The following ITPA variants were observed in gnomAD, a reference collection of about 807,000 sequenced individuals.
The protein encoded by ITPA is inosine triphosphatase.
In ITPA, 29 loss-of-function variants were observed where a neutral mutation model predicts 29.6. The ratio of observed to expected loss-of-function variants is 0.98; its 90% CI spans 0.73 to 1.34. The LOEUF (loss-of-function observed/expected upper bound fraction) is 1.34. Ranked by LOEUF, ITPA falls within the 40% of genes most tolerant of loss-of-function variation. The pLI, the probability that ITPA is intolerant of heterozygous loss-of-function variation, is 0.00. For synonymous variants in ITPA, 103 were observed against 99.3 expected, an observed-to-expected ratio of 1.04 and a Z score of -0.22; for missense variants, 241 against 251.5, an observed-to-expected ratio of 0.96 and a Z score of 0.28.
At chr20:3,211,792 G>A (rs763270143) in intron 1 of ITPA, among the ~76,000 whole-genome samples, 12 of 152,066 alleles carry the variant, frequency 7.9e-5, no homozygotes, top group Non-Finnish European at 1.5e-4. Context: ...GTGCCTGGCC[G>A]AACGGGTAGT....
rs527750672 is a variant in ITPA at position 3,212,928 on chromosome 20, T to C, written c.67-241T>C. Among the ~76,000 whole-genome samples, 12 of 151,908 alleles carry C rather than the reference T, an allele frequency of 7.9e-5. No individual in the cohort carries two copies. In the South Asian group the frequency reaches 2.5e-3, roughly 32 times the overall value. On this transcript the variant is annotated intron_variant, in intron 1 of 7. Transcript: ENST00000380113. ...GAGCATTGAGAAGAGAAGAGTGTGT[T>C]CTGGATGGGGGCTTAGCACAAGCAG...
At chr20:3,219,196 CTTTTTTTTTTTTT>C (rs1190462595) in intron 6 of ITPA, 5 of 66,170 alleles carry the variant, frequency 7.6e-5, no homozygotes, top group African/African-American at 1.7e-4. Context: ...AATCTTAATT[CTTTTTTTTTTTTT>C]TTTTTTTTTT....
upstream of ITPA, chr20:3,209,481 C>A: frequency 7.1e-7 from 1 of 1,413,788 alleles, no homozygotes; most frequent in Non-Finnish European, 1.0e-6. This position sits in a 1 kb window ranked among gnomAD's most constrained non-coding sequence, Gnocchi z 4.6. Flanking sequence ...ACTTCCGCCA[C>A]CAGCCGGAAG....
intron 1 of ITPA, among the ~76,000 whole-genome samples, chr20:3,212,458 C>T (rs1209115442): frequency 6.6e-6 from 1 of 151,978 alleles, no homozygotes; most frequent in Non-Finnish European, 1.5e-5. Flanking sequence ...GTAGCTGGAA[C>T]TTCAGGCACA....
At chr20:3,208,096 T>C (rs1244269808), upstream of ITPA, among the ~76,000 whole-genome samples, 2 of 151,710 alleles carry the variant, frequency 1.3e-5, no homozygotes, top group African/African-American at 2.4e-5. Flanking sequence ...CAAATGAATA[T>C]CTATTTGCAG....
downstream of ITPA, among the ~76,000 whole-genome samples, chr20:3,224,754 AAAG>A (rs1345742388): frequency 1.3e-5 from 2 of 152,224 alleles, no homozygotes; most frequent in Non-Finnish European, 2.9e-5. Context: ...GGGGGACTCC[AAAG>A]AAGAATCACA....
chr20:3,214,567 T>A (rs915662320), intron 4 of ITPA, among the ~76,000 whole-genome samples: 20 of 151,062 alleles, frequency 1.3e-4, no homozygotes, highest in Non-Finnish European at 2.2e-4. Context: ...TTTAATTTTT[T>A]AATTATTTTA....
intron 1 of ITPA, among the ~76,000 whole-genome samples, chr20:3,212,685 T>G (rs1387765387): frequency 1.3e-5 from 2 of 152,214 alleles, no homozygotes; most frequent in Admixed American, 1.3e-4. Context: ...TAATGAGTTA[T>G]AACAACATCT....
intron 5 of ITPA, among the ~76,000 whole-genome samples, chr20:3,216,935 CA>C (rs1202538479): frequency 6.6e-6 from 1 of 151,876 alleles, no homozygotes; most frequent in African/African-American, 2.4e-5. Flanking sequence ...GGCTAGAGTG[CA>C]GTGGTGTGAT....
chr20:3,204,421 C>A (rs2067056379), upstream of ITPA: 2 of 1,052,186 alleles, frequency 1.9e-6, no homozygotes, highest in South Asian at 1.5e-5. Flanking sequence ...CACGGACGCG[C>A]ATGCGTCCCG....
At chr20:3,223,966 C>T (rs571290052), downstream of ITPA, 8 of 179,332 alleles carry the variant, frequency 4.5e-5, no homozygotes, top group East Asian at 1.5e-4. Context: ...GGAAGGCATT[C>T]GGATGCCACT....
chr20:3,224,635 G>A (rs1328157957), downstream of ITPA, among the ~76,000 whole-genome samples: 1 of 152,238 alleles, frequency 6.6e-6, no homozygotes, highest in East Asian at 1.9e-4. Context: ...CCTTGTGGGT[G>A]GGAGATGTCT....
At chr20:3,204,416 A>C (rs2067056323), upstream of ITPA, 2 of 986,980 alleles carry the variant, frequency 2.0e-6, no homozygotes, top group East Asian at 2.6e-5. Flanking sequence ...TAGCGCACGG[A>C]CGCGCATGCG....
chr20:3,220,365 C>T (rs1435800400), intron 6 of ITPA, among the ~76,000 whole-genome samples: 1 of 152,130 alleles, frequency 6.6e-6, no homozygotes, highest in African/African-American at 2.4e-5. Context: ...CCTGCCTCAG[C>T]CTGCCGAGTA....
At chr20:3,220,938 CTCTG>C (rs1041995099) in intron 6 of ITPA, among the ~76,000 whole-genome samples, 1 of 151,960 alleles carries the variant, frequency 6.6e-6, no homozygotes, top group Non-Finnish European at 1.5e-5. Context: ...GAGTGTTTGT[CTCTG>C]TCTGTCGCCC....
At chr20:3,211,851 TTCTC>T (rs1345446316) in intron 1 of ITPA, among the ~76,000 whole-genome samples, 1 of 152,186 alleles carries the variant, frequency 6.6e-6, no homozygotes, top group Non-Finnish European at 1.5e-5. Context: ...TATGGAATCT[TTCTC>T]AGGAAAATAG....
At chr20:3,215,848 G>C (rs2067282433) in intron 5 of ITPA, among the ~76,000 whole-genome samples, 1 of 151,266 alleles carries the variant, frequency 6.6e-6, no homozygotes, top group African/African-American at 2.4e-5. Flanking sequence ...ACCACGCCCT[G>C]CTAATTTTTG....
chr20:3,223,635 A>G lies in ITPA; in HGVS notation c.*173A>G. 1 of 634,168 alleles carries G rather than the reference A, an allele frequency of 1.6e-6. No individual in the cohort carries two copies. The highest frequency in any genetic ancestry group is 2.8e-6 in the Non-Finnish European group (1 of 351,896). The allele number at this position is 634,168 out of a possible 1,614,324, so 39.3% of individuals were successfully genotyped here. On this transcript the variant is annotated 3_prime_UTR_variant, in exon 8 of 8. Transcript: ENST00000380113. Reference sequence around the variant, plus strand: ...GGAGCAGCTGGCTCTGCTCTGAGAAACTCTGGCAAGTGGACGCCATTCTCT... The same window carrying G: ...GGAGCAGCTGGCTCTGCTCTGAGAAGCTCTGGCAAGTGGACGCCATTCTCT...
chr20:3,214,814 C>A (rs565950946), intron 4 of ITPA, among the ~76,000 whole-genome samples: 2 of 152,172 alleles, frequency 1.3e-5, no homozygotes, highest in South Asian at 4.1e-4. Flanking sequence ...CTCCTGACCT[C>A]GTGATCTGCC....
Sources: gnomAD v4.1 joint callset for allele counts (sites outside exome capture counted in the v4.1 genomes callset) on GRCh38, gnomAD v4.1.1 for gene constraint, Gnocchi (gnomAD v3.1) non-coding constraint, MANE v1.5 for transcripts, NCBI Gene and HGNC (gene_info 2026-07-23, HGNC 2026-07-21) for gene names.